Variants in SMIM31 observed in about 807,000 individuals in gnomAD.
SMIM31 encodes the protein human epithelial cell program regulator.
chr4:164,776,542 T>C, intron 2 of SMIM31, among the ~76,000 whole-genome samples: 1 of 152,150 alleles, frequency 6.6e-6, no homozygotes, highest in East Asian at 1.9e-4. Context: ...CAATTCTTCA[T>C]CCCTGTGTGA....
At chr4:164,760,164 A>T (rs1732626785) in intron 1 of SMIM31, among the ~76,000 whole-genome samples, 1 of 152,236 alleles carries the variant, frequency 6.6e-6, no homozygotes, top group African/African-American at 2.4e-5. Flanking sequence ...GAGACAAAGC[A>T]GGACCAGATA....
intron 2 of SMIM31, among the ~76,000 whole-genome samples, chr4:164,775,491 T>C (rs1361396780): frequency 1.3e-5 from 2 of 152,310 alleles, no homozygotes; most frequent in Non-Finnish European, 2.9e-5. Flanking sequence ...CTATAAATCA[T>C]CTTACCTATA....
intron 2 of SMIM31, among the ~76,000 whole-genome samples, chr4:164,790,540 A>T (rs1437948174): frequency 6.6e-6 from 1 of 152,168 alleles, no homozygotes; most frequent in Non-Finnish European, 1.5e-5. Context: ...AATTAGGCTT[A>T]GTTTTCATTC....
intron 2 of SMIM31, among the ~76,000 whole-genome samples, chr4:164,770,886 G>T (rs1350266110): frequency 1.3e-5 from 2 of 152,002 alleles, no homozygotes; most frequent in African/African-American, 2.4e-5. Context: ...AAAGGATTGT[G>T]CCCACCACAT....
chr4:164,763,832 T>C (rs1732683244), intron 1 of SMIM31, among the ~76,000 whole-genome samples: 1 of 152,196 alleles, frequency 6.6e-6, no homozygotes, highest in Admixed American at 6.5e-5. Flanking sequence ...AATCAAGTTG[T>C]ACACCCTAAC....
chr4:164,780,182 C>T (rs1732928739), intron 2 of SMIM31, among the ~76,000 whole-genome samples: 1 of 152,214 alleles, frequency 6.6e-6, no homozygotes, highest in South Asian at 2.1e-4. Flanking sequence ...AATCCCAGCA[C>T]TTTGGGAGGC....
At chr4:164,789,961 G>A (rs1733078847) in intron 2 of SMIM31, among the ~76,000 whole-genome samples, 1 of 152,156 alleles carries the variant, frequency 6.6e-6, no homozygotes, top group African/African-American at 2.4e-5. Flanking sequence ...GTTATACGTA[G>A]AAGAGGACTT....
intron 1 of SMIM31, among the ~76,000 whole-genome samples, chr4:164,762,679 AAAAAG>A (rs1208135680): frequency 3.0e-5 from 4 of 133,392 alleles, no homozygotes; most frequent in African/African-American, 1.2e-4. Flanking sequence ...AAAAAAAAAA[AAAAAG>A]AAAAAGAAAA....
intron 1 of SMIM31, among the ~76,000 whole-genome samples, chr4:164,760,125 G>A (rs1732626129): frequency 6.6e-6 from 1 of 152,168 alleles, no homozygotes; most frequent in South Asian, 2.1e-4. Flanking sequence ...TGGAGGAAAT[G>A]ACGGGGAGGA....
intron 1 of SMIM31, among the ~76,000 whole-genome samples, chr4:164,756,339 G>A (rs1732560304): frequency 6.6e-6 from 1 of 152,094 alleles, no homozygotes; most frequent in Non-Finnish European, 1.5e-5. Context: ...GGGAGGCTGG[G>A]GCAGGCGGAT....
chr4:164,762,997 G>T (rs1732672425), intron 1 of SMIM31, among the ~76,000 whole-genome samples: 1 of 152,116 alleles, frequency 6.6e-6, no homozygotes. Flanking sequence ...AAGCACAAAA[G>T]AATTCTGATT....
chr4:164,772,073 T>A (rs13104321), intron 2 of SMIM31, among the ~76,000 whole-genome samples: 32,383 of 152,072 alleles, frequency 0.21, 3,921 homozygotes, highest in East Asian at 0.52. Context: ...GACTGGGTAA[T>A]TTATAAAGAA....
At chr4:164,772,788 C>T (rs983922781) in intron 2 of SMIM31, among the ~76,000 whole-genome samples, 6 of 151,432 alleles carry the variant, frequency 4.0e-5, no homozygotes, top group East Asian at 1.9e-4. Flanking sequence ...CCGTGTTAGC[C>T]GGGATGGTCT....
intron 1 of SMIM31, among the ~76,000 whole-genome samples, chr4:164,762,674 AAAAAAAAAAG>A (rs1732667355): frequency 1.3e-5 from 2 of 150,902 alleles, no homozygotes; most frequent in African/African-American, 4.8e-5. Flanking sequence ...AAAAAAAAAA[AAAAAAAAAAG>A]AAAAAGAAAA....
At chr4:164,796,551 C>G (rs1041623373) in intron 2 of SMIM31, among the ~76,000 whole-genome samples, 6 of 152,218 alleles carry the variant, frequency 3.9e-5, no homozygotes, top group Non-Finnish European at 8.8e-5. Flanking sequence ...GCCTAGACCT[C>G]TTTTCTGCTC....
intron 2 of SMIM31, among the ~76,000 whole-genome samples, chr4:164,789,829 A>G (rs1026041052): frequency 2.0e-5 from 3 of 152,306 alleles, no homozygotes; most frequent in Admixed American, 2.0e-4. Flanking sequence ...AACTGAAGTT[A>G]ATGTTTCTCT....
intron 1 of SMIM31, among the ~76,000 whole-genome samples, chr4:164,757,938 C>CA (rs1041633917): frequency 5.3e-5 from 8 of 151,038 alleles, no homozygotes; most frequent in African/African-American, 1.7e-4. Context: ...TCAATTTCTA[C>CA]AAAAAAGCAT....
chr4:164,775,772 A>G (rs1732873460), intron 2 of SMIM31, among the ~76,000 whole-genome samples: 1 of 152,176 alleles, frequency 6.6e-6, no homozygotes, highest in African/African-American at 2.4e-5. Context: ...GGCTCACTAG[A>G]AAAGAATCTC....
chr4:164,790,485 C>T (rs1401514218), intron 2 of SMIM31, among the ~76,000 whole-genome samples: 8 of 151,952 alleles, frequency 5.3e-5, no homozygotes, highest in Non-Finnish European at 1.2e-4. Context: ...TTTATTAGTC[C>T]AGTGAAGCAG....
Sources: gnomAD v4.1 joint callset for allele counts (sites outside exome capture counted in the v4.1 genomes callset) on GRCh38, gnomAD v4.1.1 for gene constraint, MANE v1.5 for transcripts, NCBI Gene and HGNC (gene_info 2026-07-23, HGNC 2026-07-21) for gene names.